The following CNTFR variants were observed in gnomAD, a reference collection of about 807,000 sequenced individuals.
The protein encoded by CNTFR is ciliary neurotrophic factor receptor, also known as ciliary neurotrophic factor receptor subunit alpha.
In CNTFR, 12 loss-of-function variants were observed where a neutral mutation model predicts 40.4. That is an observed-to-expected ratio of 0.30 (90% confidence interval 0.19 to 0.48). CNTFR has a LOEUF of 0.48. Ranked by LOEUF, CNTFR falls within the 20% of genes least tolerant of loss-of-function variation. CNTFR has a pLI of 0.99. For synonymous variants in CNTFR, 202 were observed against 209.6 expected (o/e 0.96, Z 0.31); for missense variants, 414 against 506.8 (o/e 0.82, Z 1.76).
intron 2 of CNTFR, among the ~76,000 whole-genome samples, chr9:34,573,511 G>A (rs994668218): frequency 2.0e-5 from 3 of 152,154 alleles, no homozygotes; most frequent in East Asian, 1.9e-4. Context: ...CTCCAACTCC[G>A]AGGCAGGGAA....
In CNTFR at chr9:34,564,662, G is replaced by C. The variant is rs1172156917; in HGVS notation, c.256C>G (p.Leu86Val). The stretch of plus-strand genomic sequence containing the variant: ...GAGTCACGGTGGAAGCAGGCGTAGA[G>C]GCCACTGTGGCCCAGTTCCAGGCCA... ...LHGLELGHSG[L>V]YACFHRDSWH... Residue 86 changes from leucine to valine, a missense_variant, in exon 4 of 10, where the codon CTC becomes GTC. Physicochemically the swap from Leu to Val is conservative, Grantham distance 32. Transcript: ENST00000378980. 20 of 1,613,786 alleles carry C rather than the reference G, an allele frequency of 1.2e-5. No individual in the cohort carries two copies. Among genetic ancestry groups the C allele is most frequent in the Non-Finnish European group, 1.4e-5 (17 of 1,179,928 alleles).
intron 2 of CNTFR, among the ~76,000 whole-genome samples, chr9:34,579,835 G>C (rs1472874414): frequency 6.6e-6 from 1 of 152,106 alleles, no homozygotes; most frequent in African/African-American, 2.4e-5. Context: ...TGGAGGTGCT[G>C]CTGGGGGAGG....
At chr9:34,575,417 G>C (rs939783109) in intron 2 of CNTFR, among the ~76,000 whole-genome samples, 3 of 152,184 alleles carry the variant, frequency 2.0e-5, no homozygotes, top group African/African-American at 4.8e-5. Flanking sequence ...GGTTGACTGA[G>C]ACTTCCCTTA....
chr9:34,580,565 G>T (rs1344033707), intron 2 of CNTFR, among the ~76,000 whole-genome samples: 1 of 152,168 alleles, frequency 6.6e-6, no homozygotes, highest in African/African-American at 2.4e-5. Flanking sequence ...TGGACAATAG[G>T]CCCTTCCGTT....
At chr9:34,565,898 G>T (rs377237487) in intron 3 of CNTFR, among the ~76,000 whole-genome samples, 70 of 151,866 alleles carry the variant, frequency 4.6e-4, no homozygotes, top group Middle Eastern at 6.8e-3. Flanking sequence ...GGCCAGATCT[G>T]CGGAGTGAGG....
In CNTFR at chr9:34,552,152, T is replaced by C; in HGVS notation, c.1118+9A>G. On this transcript the variant is annotated intron_variant, in intron 9 of 9. Coordinates refer to ENST00000378980, the MANE Select transcript of CNTFR (RefSeq NM_147164.3). The surrounding 1 kb of genome is among the most constrained non-coding windows in gnomAD (Gnocchi z 5.1). ...GGCTCCCTCTGCCACCCAGCCTCAC[T>C]CAACCTACCAGATCAAGAGACTGCT... 6.3e-7 allele frequency: 1 copy of C among 1,594,158 alleles called. No individual in the cohort carries two copies. Among genetic ancestry groups the C allele is most frequent in the South Asian group, 1.1e-5 (1 of 87,776 alleles).
At chr9:34,556,630 G>A (rs1347948773) in intron 6 of CNTFR, among the ~76,000 whole-genome samples, 2 of 152,080 alleles carry the variant, frequency 1.3e-5, no homozygotes, top group African/African-American at 2.4e-5. Flanking sequence ...ACTAATGACT[G>A]TCACTACAGT....
At chr9:34,560,088 C>G (rs1327862452) in intron 4 of CNTFR, among the ~76,000 whole-genome samples, 1 of 152,190 alleles carries the variant, frequency 6.6e-6, no homozygotes, top group Non-Finnish European at 1.5e-5. Context: ...TGACAGGGAC[C>G]AGGTTTCTCA....
chr9:34,558,086 C>T (rs1825923217), intron 4 of CNTFR, 102 bp from the exon 5 acceptor site: 1 of 799,062 alleles, frequency 1.3e-6, no homozygotes, highest in Non-Finnish European at 1.8e-6. Context: ...CCCCCCTCAA[C>T]CCATCATTGA....
At position 34,557,711 on chromosome 9, in the gene CNTFR, C is replaced by T; in HGVS notation, c.438-19G>A. 1 of 1,614,022 alleles carries T rather than the reference C, an allele frequency of 6.2e-7. No homozygotes were observed. The stretch of plus-strand genomic sequence containing the variant: ...GCCATGCCTGGGGAGAGGTGAGACC[C>T]AGGCACTGTTACGAACATCAAGGGT... On this transcript the variant is annotated intron_variant, in intron 5 of 9. Coordinates refer to ENST00000378980, the MANE Select transcript of CNTFR (RefSeq NM_147164.3). The surrounding 1 kb of genome is among the most constrained non-coding windows in gnomAD (Gnocchi z 4.2).
chr9:34,589,872 C>T (rs1827707903), upstream of CNTFR: 1 of 150,876 alleles, frequency 6.6e-6, no homozygotes, highest in African/African-American at 2.4e-5. This position sits in a 1 kb window ranked among gnomAD's most constrained non-coding sequence, Gnocchi z 4.4. Flanking sequence ...CCTTGTCTCC[C>T]CGCGCCTCCG....
rs187199910 is a variant in CNTFR at position 34,557,489 on chromosome 9, G to A, written c.604+37C>T. 71 of 1,605,270 alleles carry A rather than the reference G, an allele frequency of 4.4e-5. No homozygotes were observed. The African/African-American group carries it at 7.1e-4, about 16-fold the overall frequency. On this transcript the variant is annotated intron_variant, in intron 6 of 9. Transcript: ENST00000378980. The surrounding 1 kb of genome is among the most constrained non-coding windows in gnomAD (Gnocchi z 4.2). ...GCACACATCCACTTACATTCCCACT[G>A]GAGTAGGCAGCAGGTCCCCCCAACC... is the stretch of plus-strand genomic sequence containing the variant.
rs1245732562 is a variant in CNTFR, at chr9:34,551,910, G to A, written c.*161C>T. ...CCAGCTTGGTGCGGCAGGGCTGGGG[G>A]GCGGCAGGCCCGGGCCCGCCGGGGT... On this transcript the variant is annotated 3_prime_UTR_variant, in exon 10 of 10. Transcript: ENST00000378980. 3 of 708,206 alleles carry A rather than the reference G, an allele frequency of 4.2e-6. No individual in the cohort carries two copies. The highest frequency in any genetic ancestry group is 1.8e-5 in the African/African-American group (1 of 57,114). 43.9% of individuals were successfully genotyped at this position (708,206 alleles called of 1,614,324 possible). A position where few individuals can be genotyped will look rare whatever the true frequency, so the allele number is the denominator to read the frequency against.
At chr9:34,554,253 G>T (rs534044392) in intron 7 of CNTFR, among the ~76,000 whole-genome samples, 1 of 152,098 alleles carries the variant, frequency 6.6e-6, no homozygotes, top group African/African-American at 2.4e-5. Context: ...GAGTAGCCAC[G>T]GCTCCTTCGG....
Position 34,552,293 on chromosome 9 carries a change from G to T in CNTFR, c.986C>A (p.Pro329Gln). ...TTSTTSSLAP[P>Q]PTTKICDPGE... ...AGGGTCACAGATCTTCGTGGTAGGTGGGGGTGCCAGGGAGCTGGTGGTGCT... is the reference window on the plus strand; with the variant it reads ...AGGGTCACAGATCTTCGTGGTAGGTTGGGGTGCCAGGGAGCTGGTGGTGCT... The change falls in exon 9 of 10, where the codon CCA (proline) becomes CAA (glutamine). Residue 329 changes from proline to glutamine, a missense_variant. By Grantham distance (76) the Pro-to-Gln change is moderately conservative. Around this residue, in one of 3 missense-constraint regions of CNTFR, gnomAD observed 81 missense variants for 92.2 expected, o/e 0.88. Coordinates refer to ENST00000378980, the MANE Select transcript of CNTFR (RefSeq NM_147164.3). The surrounding 1 kb of genome is among the most constrained non-coding windows in gnomAD (Gnocchi z 5.1). 6.5e-7 allele frequency: 1 copy of T among 1,543,642 alleles called. No individual in the cohort carries two copies.
intron 2 of CNTFR, among the ~76,000 whole-genome samples, chr9:34,576,954 G>T (rs1259748987): frequency 6.6e-6 from 1 of 152,228 alleles, no homozygotes; most frequent in Non-Finnish European, 1.5e-5. Flanking sequence ...AAGGGAAGGA[G>T]ATGAGACCTC....
At chr9:34,585,860 C>T (rs958646344) in intron 1 of CNTFR, among the ~76,000 whole-genome samples, 1 of 152,204 alleles carries the variant, frequency 6.6e-6, no homozygotes, top group Admixed American at 6.5e-5. Flanking sequence ...CACACATGGT[C>T]CCCCCTAACC....
intron 2 of CNTFR, among the ~76,000 whole-genome samples, chr9:34,577,819 G>T (rs910463483): frequency 1.3e-5 from 2 of 149,996 alleles, no homozygotes; most frequent in African/African-American, 2.5e-5. Context: ...AGGGGGGCTG[G>T]GGGGAGAGAC....
At chr9:34,584,019 G>A (rs1047998704) in intron 1 of CNTFR, among the ~76,000 whole-genome samples, 1 of 152,216 alleles carries the variant, frequency 6.6e-6, no homozygotes, top group Non-Finnish European at 1.5e-5. Flanking sequence ...GCCCCTCATT[G>A]GGACTCTGGC....
Sources: allele counts gnomAD v4.1 joint callset (sites outside exome capture counted in the v4.1 genomes callset), GRCh38; gene constraint gnomAD v4.1.1; regional missense constraint gnomAD v4.1.1; non-coding constraint Gnocchi (gnomAD v3.1); transcripts MANE v1.5; gene names NCBI Gene and HGNC (gene_info 2026-07-23, HGNC 2026-07-21).